The following KIF20B variants were observed in gnomAD, a reference collection of about 807,000 sequenced individuals.
The protein encoded by KIF20B is kinesin-like protein KIF20B.
A neutral mutation model predicts 232.5 loss-of-function variants in KIF20B; 188 were observed. The ratio of observed to expected loss-of-function variants is 0.81; its 90% confidence interval spans 0.72 to 0.91. The LOEUF (loss-of-function observed/expected upper bound fraction) is 0.91, where lower values mean the gene tolerates loss of function less well. Among genes scored for constraint, KIF20B ranks in the 40% least tolerant of loss-of-function variants. The pLI is 0.00. For missense variants in KIF20B, 2,154 were observed against 2,055.9 expected (o/e 1.05, Z -0.92); for synonymous variants, 712 against 683.0 (o/e 1.04, Z -0.66).
intron 2 of KIF20B, 133 bp from the exon 3 acceptor site, chr10:89,709,034 G>A (rs1480845038): frequency 6.1e-6 from 4 of 659,702 alleles, no homozygotes; most frequent in Non-Finnish European, 1.1e-5. Context: ...ATTATTAAAA[G>A]CAGGATAGTG....
intron 29 of KIF20B, among the ~76,000 whole-genome samples, chr10:89,764,513 CA>C: frequency 6.6e-6 from 1 of 152,322 alleles, no homozygotes; most frequent in African/African-American, 2.4e-5. Context: ...GTCCCACCAA[CA>C]GTGTAAAAGT....
At chr10:89,756,586 C>T (rs991572803) in intron 26 of KIF20B, among the ~76,000 whole-genome samples, 1 of 152,104 alleles carries the variant, frequency 6.6e-6, no homozygotes, top group African/African-American at 2.4e-5. Flanking sequence ...GGAAATAGAA[C>T]ATAGTTCAGT....
intron 29 of KIF20B, among the ~76,000 whole-genome samples, chr10:89,763,840 AAT>A (rs1057455823): frequency 1.3e-5 from 2 of 148,700 alleles, no homozygotes; most frequent in Non-Finnish European, 3.0e-5. Flanking sequence ...ACTATTTATT[AAT>A]AGTTACTATT....
Position 89,710,942 on chromosome 10 carries a change from A to C in KIF20B, c.491-19A>C, listed in dbSNP as rs371763709. 5.0e-6 allele frequency: 8 copies of C among 1,593,448 alleles called. No homozygotes were observed. The African/African-American group carries it at 1.1e-4, about 22-fold the overall frequency. On this transcript the variant is annotated intron_variant, in intron 5 of 32. Coordinates refer to ENST00000371728, the MANE Select transcript of KIF20B (RefSeq NM_001284259.2). ...TCCTAGTAGACTGAGAGAGTATAACACAAAAATTCCTTTTGCAGGGACAGA... is the reference window on the plus strand; with the variant it reads ...TCCTAGTAGACTGAGAGAGTATAACCCAAAAATTCCTTTTGCAGGGACAGA...
intron 24 of KIF20B, among the ~76,000 whole-genome samples, chr10:89,752,126 A>T (rs1842032514): frequency 6.6e-6 from 1 of 152,112 alleles, no homozygotes; most frequent in Non-Finnish European, 1.5e-5. Context: ...TATCAAGATC[A>T]GATGAGATGA....
At position 89,719,656 on chromosome 10, in the gene KIF20B, G is replaced by A; in HGVS notation, c.1672G>A (p.Asp558Asn). The A allele has an allele frequency of 1.2e-6, 2 of 1,611,796 alleles. No individual in the cohort carries two copies. The highest frequency in any genetic ancestry group is 8.5e-7 in the Non-Finnish European group (1 of 1,179,120). The change falls in exon 13 of 33, where the codon GAT (aspartate) becomes AAT (asparagine). Residue 558 changes from aspartate to asparagine, a missense_variant. Transcript: ENST00000371728. ...AACTAAACTTCTTGATGAAGATCTAGATAAAACATTAGAGGAAAATAAGGC... is the reference window on the plus strand; with the variant it reads ...AACTAAACTTCTTGATGAAGATCTAAATAAAACATTAGAGGAAAATAAGGC... Reference protein sequence around the residue: ...VETKLLDEDLDKTLEENKAFI... With the variant: ...VETKLLDEDLNKTLEENKAFI...
At chr10:89,751,495 C>G (rs1842022021) in intron 24 of KIF20B, 24 bp downstream of exon 24, 2 of 1,581,782 alleles carry the variant, frequency 1.3e-6, no homozygotes. Context: ...GCTTACATTT[C>G]TCTAAATATA....
intron 5 of KIF20B, among the ~76,000 whole-genome samples, chr10:89,710,455 C>T (rs1260185823): frequency 6.6e-6 from 1 of 152,124 alleles, no homozygotes; most frequent in Non-Finnish European, 1.5e-5. Context: ...TCTCGAACTC[C>T]TGACCTCAGG....
At chr10:89,703,515 A>T (rs1842655070) in intron 1 of KIF20B, among the ~76,000 whole-genome samples, 1 of 152,164 alleles carries the variant, frequency 6.6e-6, no homozygotes, top group South Asian at 2.1e-4. Context: ...AGAGGGGCTT[A>T]CATGCCTAAA....
At chr10:89,758,521 T>C (rs1354432652) in intron 26 of KIF20B, among the ~76,000 whole-genome samples, 185 bp from the exon 27 acceptor site, 1 of 152,018 alleles carries the variant, frequency 6.6e-6, no homozygotes, top group South Asian at 2.1e-4. Context: ...AAAAATAACA[T>C]GGACATTTAA....
At chr10:89,718,369 G>A (rs981361536) in intron 11 of KIF20B, among the ~76,000 whole-genome samples, 1 of 152,018 alleles carries the variant, frequency 6.6e-6, no homozygotes, top group African/African-American at 2.4e-5. Flanking sequence ...AAATTAACCA[G>A]GTGTGGTGGC....
At position 89,709,332 on chromosome 10, in the gene KIF20B, G is replaced by C. The variant is rs1263066258; in HGVS notation, c.235-13G>C. The C allele has an allele frequency of 6.3e-7, 1 of 1,599,968 alleles. No homozygotes were observed. The highest frequency in any genetic ancestry group is 1.3e-5 in the African/African-American group (1 of 74,386). ...AAATACTAGTTTTTATTTATTGGGG[G>C]TATGTTTTCTAGGGCTGTGTGCATA... On this transcript the variant is annotated splice_polypyrimidine_tract_variant and intron_variant, in intron 3 of 32. Coordinates refer to ENST00000371728, the MANE Select transcript of KIF20B (RefSeq NM_001284259.2).
Position 89,725,101 on chromosome 10 carries a change from A to G in KIF20B, c.1944A>G (p.Lys648=). The G allele has an allele frequency of 6.2e-7, 1 of 1,614,110 alleles. No homozygotes were observed. The highest frequency in any genetic ancestry group is 8.5e-7 in the Non-Finnish European group (1 of 1,179,984). Residue 648 remains lysine, a synonymous_variant, in exon 15 of 33, where the codon AAA becomes AAG. Coordinates refer to ENST00000371728, the MANE Select transcript of KIF20B (RefSeq NM_001284259.2). ...RLAIFKDLVG[K]CDTREEAAKD... is the part of the protein sequence containing the mutation. Reference sequence around the variant, plus strand: ...CTATCTTCAAGGATTTGGTTGGTAAATGTGACACTCGAGAAGAAGCAGCGA... The same window carrying G: ...CTATCTTCAAGGATTTGGTTGGTAAGTGTGACACTCGAGAAGAAGCAGCGA...
chr10:89,741,622 T>A (rs1175884474), intron 21 of KIF20B, among the ~76,000 whole-genome samples: 1 of 152,190 alleles, frequency 6.6e-6, no homozygotes, highest in Non-Finnish European at 1.5e-5. Flanking sequence ...ATTTTGTTGA[T>A]AAGAAAACAG....
chr10:89,728,954 A>AGTGTGTGTGTT (rs1843257235), intron 17 of KIF20B, among the ~76,000 whole-genome samples, 174 bp from the exon 18 acceptor site: 1 of 109,204 alleles, frequency 9.2e-6, no homozygotes, highest in Non-Finnish European at 2.1e-5. Context: ...TGTGTATGTA[A>AGTGTGTGTGTT]TTTTTTTAAA....
chr10:89,758,952 A>C, intron 27 of KIF20B, 70 bp downstream of exon 27: 1 of 998,174 alleles, frequency 1.0e-6, no homozygotes, highest in Non-Finnish European at 1.4e-6. Context: ...ACTCTTAAAG[A>C]ATAAAAAAGT....
intron 12 of KIF20B, 25 bp downstream of exon 12, chr10:89,718,897 C>T (rs1589856233): frequency 2.9e-6 from 4 of 1,361,624 alleles, no homozygotes; most frequent in Non-Finnish European, 3.0e-6. Flanking sequence ...TATTAAGCCT[C>T]TTATTATTAG....
At chr10:89,710,872 T>C (rs1842823235) in intron 5 of KIF20B, 89 bp from the exon 6 acceptor site, 1 of 926,912 alleles carries the variant, frequency 1.1e-6, no homozygotes, top group East Asian at 2.7e-5. Flanking sequence ...TCTTGCCTAT[T>C]GGTAGTATAA....
chr10:89,708,706 AC>A (rs750284891), intron 2 of KIF20B, among the ~76,000 whole-genome samples: 21 of 152,314 alleles, frequency 1.4e-4, no homozygotes, highest in South Asian at 2.1e-4. Context: ...TTTTAAAAAA[AC>A]ATTAAAACAT....
Sources: gnomAD v4.1 joint callset for allele counts (sites outside exome capture counted in the v4.1 genomes callset) on GRCh38, gnomAD v4.1.1 for gene constraint, MANE v1.5 for transcripts, NCBI Gene and HGNC (gene_info 2026-07-23, HGNC 2026-07-21) for gene names.